LIN52: variants seen among roughly 807,000 people sequenced by gnomAD.
LIN52 encodes the protein protein lin-52 homolog.
LIN52 carries 4 observed loss-of-function variants against 18.5 expected under a neutral mutation model. The observed-to-expected ratio is 0.22, with a 90% CI of 0.11 to 0.49. LIN52 has a LOEUF of 0.49. Ranked by LOEUF, LIN52 falls within the 20% of genes least tolerant of loss-of-function variation. LIN52 has a pLI of 0.97. For missense variants in LIN52, 102 were observed against 139.5 expected (o/e 0.73, Z 1.35); for synonymous variants, 34 against 45.5 (o/e 0.75, Z 1.02).
intron 3 of LIN52, among the ~76,000 whole-genome samples, chr14:74,097,431 T>C (rs910172708): frequency 1.1e-4 from 17 of 149,994 alleles, no homozygotes; most frequent in African/African-American, 3.7e-4. Flanking sequence ...TTTTCTTTTT[T>C]TTTTTTTTTT....
intron 5 of LIN52, among the ~76,000 whole-genome samples, chr14:74,142,988 A>G (rs2061138072): frequency 6.6e-6 from 1 of 151,258 alleles, no homozygotes; most frequent in African/African-American, 2.4e-5. Context: ...TCATCAGAAG[A>G]CTAAATCTAA....
chr14:74,109,452 A>G (rs2060914580), intron 5 of LIN52, among the ~76,000 whole-genome samples: 1 of 152,200 alleles, frequency 6.6e-6, no homozygotes, highest in South Asian at 2.1e-4. Flanking sequence ...GGCTATAGAG[A>G]GAGACCCTGC....
chr14:74,175,326 G>T (rs958238169), intron 5 of LIN52, among the ~76,000 whole-genome samples: 1 of 151,454 alleles, frequency 6.6e-6, no homozygotes, highest in Non-Finnish European at 1.5e-5. Context: ...AAAACACAAG[G>T]CTGGGGCATG....
rs138304476 is a variant in LIN52, at chr14:74,148,316, T to C, written c.283+47078T>C. 3.3e-5 allele frequency among the ~76,000 whole-genome samples: 5 copies of C among 152,336 alleles called. No individual in the cohort carries two copies. The East Asian group carries it at 9.6e-4, about 29-fold the overall frequency. On this transcript the variant is annotated intron_variant, in intron 5 of 5. Coordinates refer to ENST00000555028, the MANE Select transcript of LIN52 (RefSeq NM_001024674.3). ...TCTATTTCTTAAGATTTTGATATTA[T>C]CATAATAAGTAAATATTTATTATGT...
chr14:74,177,718 A>G (rs1343604344), intron 5 of LIN52, among the ~76,000 whole-genome samples: 1 of 152,226 alleles, frequency 6.6e-6, no homozygotes, highest in Non-Finnish European at 1.5e-5. Context: ...ATCTTGGGGC[A>G]TGAAAAGCTG....
At chr14:74,115,347 G>A (rs563137697) in intron 5 of LIN52, among the ~76,000 whole-genome samples, 16 of 152,260 alleles carry the variant, frequency 1.1e-4, no homozygotes, top group African/African-American at 2.6e-4. Flanking sequence ...TTGTGAAGGC[G>A]AACTTTTTTT....
intron 5 of LIN52, among the ~76,000 whole-genome samples, chr14:74,123,402 C>T (rs1449619526): frequency 6.6e-6 from 1 of 152,094 alleles, no homozygotes; most frequent in Non-Finnish European, 1.5e-5. Context: ...GAACCAAGAA[C>T]AATTCTTAGG....
At chr14:74,198,415 A>G (rs1233497238) in intron 5 of LIN52, among the ~76,000 whole-genome samples, 2 of 152,186 alleles carry the variant, frequency 1.3e-5, no homozygotes, top group East Asian at 3.8e-4. Context: ...CCACAGATGA[A>G]CTGCACTGAG....
intron 2 of LIN52, among the ~76,000 whole-genome samples, chr14:74,093,621 TG>T (rs1231394956): frequency 6.6e-6 from 1 of 152,174 alleles, no homozygotes; most frequent in Admixed American, 6.5e-5. Flanking sequence ...CCACTGCACC[TG>T]GCCCACTCTT....
At chr14:74,134,744 A>G (rs564852310) in intron 5 of LIN52, among the ~76,000 whole-genome samples, 2 of 152,258 alleles carry the variant, frequency 1.3e-5, no homozygotes, top group East Asian at 3.9e-4. Flanking sequence ...CATCTGCCTT[A>G]TCTTAATTCT....
intron 5 of LIN52, among the ~76,000 whole-genome samples, chr14:74,134,925 T>C (rs1387484938): frequency 2.6e-5 from 4 of 152,216 alleles, no homozygotes; most frequent in Non-Finnish European, 4.4e-5. Flanking sequence ...GAAACTGAAA[T>C]TAAGAGAAGT....
At chr14:74,162,282 C>A (rs77283958) in intron 5 of LIN52, among the ~76,000 whole-genome samples, 2 of 151,628 alleles carry the variant, frequency 1.3e-5, no homozygotes, top group African/African-American at 4.8e-5. Flanking sequence ...TTGAGACTAG[C>A]GTGGCCAATA....
At chr14:74,158,110 T>TAC (rs2061207517) in intron 5 of LIN52, among the ~76,000 whole-genome samples, 1 of 51,848 alleles carries the variant, frequency 1.9e-5, no homozygotes, top group African/African-American at 6.6e-5. Context: ...CACTGCTATA[T>TAC]ATATATATAT....
intron 5 of LIN52, among the ~76,000 whole-genome samples, chr14:74,187,553 A>G (rs2061346517): frequency 6.6e-6 from 1 of 152,144 alleles, no homozygotes; most frequent in African/African-American, 2.4e-5. Context: ...ATCCATTTTT[A>G]TTGTTTTTTT....
At chr14:74,173,937 T>A (rs2061281430) in intron 5 of LIN52, among the ~76,000 whole-genome samples, 1 of 152,242 alleles carries the variant, frequency 6.6e-6, no homozygotes, top group African/African-American at 2.4e-5. Context: ...GCTTCCTTTG[T>A]GCTTCAGGAT....
intron 5 of LIN52, among the ~76,000 whole-genome samples, chr14:74,140,842 T>C (rs927716756): frequency 6.6e-6 from 1 of 152,248 alleles, no homozygotes; most frequent in African/African-American, 2.4e-5. Context: ...GAGATCTTTA[T>C]GGCCCTGGAG....
At chr14:74,148,171 A>G (rs966887942) in intron 5 of LIN52, among the ~76,000 whole-genome samples, 3 of 152,038 alleles carry the variant, frequency 2.0e-5, no homozygotes, top group Admixed American at 1.3e-4. Flanking sequence ...TCCTCAATTC[A>G]TGAATAAGTC....
chr14:74,127,816 C>T (rs2061037127), intron 5 of LIN52, among the ~76,000 whole-genome samples: 1 of 152,008 alleles, frequency 6.6e-6, no homozygotes, highest in South Asian at 2.1e-4. Flanking sequence ...GCCTCAAGCA[C>T]TCTTCCCATC....
chr14:74,142,827 C>T (rs1250936155), intron 5 of LIN52, among the ~76,000 whole-genome samples: 4 of 144,130 alleles, frequency 2.8e-5, no homozygotes, highest in East Asian at 4.5e-4. Context: ...AACATCCTTA[C>T]GTCCCATTCA....
Sources: gnomAD v4.1 joint callset for allele counts (sites outside exome capture counted in the v4.1 genomes callset) on GRCh38, gnomAD v4.1.1 for gene constraint, MANE v1.5 for transcripts, NCBI Gene and HGNC (gene_info 2026-07-23, HGNC 2026-07-21) for gene names.